Variants in SPATA16 observed in about 807,000 individuals in gnomAD.
The protein encoded by SPATA16 is spermatogenesis associated 16, also known as spermatogenesis-associated protein 16.
A neutral mutation model predicts 63.3 loss-of-function variants in SPATA16; 36 were observed. The ratio of observed to expected loss-of-function variants is 0.57; its 90% confidence interval spans 0.44 to 0.75. The LOEUF (loss-of-function observed/expected upper bound fraction) is 0.75, where lower values mean the gene tolerates loss of function less well. Among genes scored for constraint, SPATA16 ranks in the 30% least tolerant of loss-of-function variants. SPATA16 has a pLI of 0.00. For missense variants in SPATA16, 646 were observed against 679.3 expected (o/e 0.95, Z 0.54); for synonymous variants, 203 against 216.7 (o/e 0.94, Z 0.56).
In SPATA16 at chr3:173,047,874, C is replaced by A. The variant is rs116683762; in HGVS notation, c.758+1075G>T. On this transcript the variant is annotated intron_variant, in intron 3 of 10. Coordinates refer to ENST00000351008, the MANE Select transcript of SPATA16 (RefSeq NM_031955.6). ...CTTAAGAGGGAGAATGGCTTTCAAA[C>A]AGGTTGTCTTGTGAATTTCAAAGTG... Among the ~76,000 whole-genome samples, 704 of 152,040 alleles carry A rather than the reference C, an allele frequency of 4.6e-3. 5 individuals are homozygous for A. Among genetic ancestry groups the A allele is most frequent in the African/African-American group, 0.016 (675 of 41,512 alleles).
chr3:172,903,340 A>G (rs1312325220), intron 10 of SPATA16, among the ~76,000 whole-genome samples: 2 of 152,034 alleles, frequency 1.3e-5, no homozygotes, highest in South Asian at 2.1e-4. Context: ...CAAAGATAAA[A>G]CTCCTCTAAT....
chr3:172,893,523 C>A (rs933056051), intron 10 of SPATA16, among the ~76,000 whole-genome samples: 3 of 152,216 alleles, frequency 2.0e-5, no homozygotes, highest in Non-Finnish European at 4.4e-5. Context: ...TAATACATTT[C>A]TGTTGTTTAA....
chr3:172,997,818 C>T (rs1363691263), intron 4 of SPATA16, among the ~76,000 whole-genome samples: 2 of 152,070 alleles, frequency 1.3e-5, no homozygotes, highest in East Asian at 1.9e-4. Context: ...TTTGCATCTG[C>T]ATGTCCAGTG....
At chr3:172,925,996 T>C (rs1002887798) in intron 6 of SPATA16, among the ~76,000 whole-genome samples, 17 of 152,088 alleles carry the variant, frequency 1.1e-4, no homozygotes, top group African/African-American at 3.9e-4. Flanking sequence ...CAGCTGATTT[T>C]TGTATTTTTA....
chr3:173,140,391 A>T (rs150593375), intron 1 of SPATA16, among the ~76,000 whole-genome samples: 6 of 152,306 alleles, frequency 3.9e-5, no homozygotes, highest in African/African-American at 1.4e-4. Context: ...ACAAAGCTGG[A>T]ACCTATTTTT....
chr3:172,975,365 T>C (rs1457887982), intron 5 of SPATA16, among the ~76,000 whole-genome samples: 2 of 152,144 alleles, frequency 1.3e-5, no homozygotes, highest in Non-Finnish European at 2.9e-5. Flanking sequence ...ATACATTTGT[T>C]TAATGAATAA....
At chr3:172,995,240 A>G (rs1171880587) in intron 4 of SPATA16, among the ~76,000 whole-genome samples, 5 of 152,088 alleles carry the variant, frequency 3.3e-5, no homozygotes, top group Non-Finnish European at 4.4e-5. Context: ...TCTGAAGAGT[A>G]TGATGTAGGA....
chr3:173,035,178 A>G (rs989526370), intron 3 of SPATA16, among the ~76,000 whole-genome samples: 3 of 151,312 alleles, frequency 2.0e-5, no homozygotes, highest in Non-Finnish European at 3.0e-5. Flanking sequence ...AACCTACTTG[A>G]GAGAAATAAT....
At chr3:172,912,145 A>G (rs960500748) in intron 10 of SPATA16, among the ~76,000 whole-genome samples, 1 of 152,208 alleles carries the variant, frequency 6.6e-6, no homozygotes, top group South Asian at 2.1e-4. Context: ...CCCTCTGTTT[A>G]GAAATATCCC....
At chr3:173,100,668 A>G (rs1737467922) in intron 2 of SPATA16, among the ~76,000 whole-genome samples, 2 of 95,018 alleles carry the variant, frequency 2.1e-5, no homozygotes, top group Admixed American at 1.1e-4. Context: ...CAGCACACAC[A>G]CACACACACA....
chr3:172,934,275 T>C (rs1732933735), intron 6 of SPATA16, among the ~76,000 whole-genome samples: 2 of 152,246 alleles, frequency 1.3e-5, no homozygotes, highest in African/African-American at 4.8e-5. Flanking sequence ...CTTGTTTATT[T>C]GTTTATATTT....
intron 3 of SPATA16, among the ~76,000 whole-genome samples, chr3:173,044,325 C>T (rs560395648): frequency 3.3e-5 from 5 of 152,154 alleles, no homozygotes; most frequent in East Asian, 3.9e-4. Flanking sequence ...TAATTTCTAT[C>T]GATTTGTCTT....
chr3:173,005,442 T>C (rs902361490), intron 4 of SPATA16, among the ~76,000 whole-genome samples: 1 of 152,102 alleles, frequency 6.6e-6, no homozygotes, highest in Non-Finnish European at 1.5e-5. Context: ...CCCTCTTTTG[T>C]AGTTTTTGTT....
At chr3:173,075,051 C>CTATG (rs1553799980) in intron 2 of SPATA16, among the ~76,000 whole-genome samples, 4 of 145,990 alleles carry the variant, frequency 2.7e-5, no homozygotes, top group African/African-American at 1.0e-4. Context: ...CTTTTGAGTA[C>CTATG]TATGCTATTT....
intron 5 of SPATA16, among the ~76,000 whole-genome samples, chr3:172,968,274 C>A (rs1162334702): frequency 6.6e-6 from 1 of 152,146 alleles, no homozygotes; most frequent in Non-Finnish European, 1.5e-5. Context: ...GATCTGGATG[C>A]CTGACATTGT....
intron 6 of SPATA16, among the ~76,000 whole-genome samples, chr3:172,955,680 C>T (rs1285422654): frequency 6.6e-6 from 1 of 152,066 alleles, no homozygotes; most frequent in Non-Finnish European, 1.5e-5. Context: ...TCCATAGGAC[C>T]TACATTTAAT....
intron 4 of SPATA16, among the ~76,000 whole-genome samples, chr3:173,016,949 G>A (rs1476671340): frequency 1.3e-5 from 2 of 151,448 alleles, no homozygotes; most frequent in African/African-American, 2.4e-5. Flanking sequence ...GAGAGGTGGA[G>A]GTTACAGTGA....
intron 8 of SPATA16, 143 bp from the exon 9 acceptor site, chr3:172,916,624 A>G: frequency 1.1e-6 from 1 of 909,204 alleles, no homozygotes; most frequent in South Asian, 1.5e-5. Context: ...TCCTTCTACC[A>G]TTTTACAGAA....
intron 1 of SPATA16, among the ~76,000 whole-genome samples, chr3:173,126,059 T>A (rs956039894): frequency 7.1e-6 from 1 of 141,340 alleles, no homozygotes; most frequent in African/African-American, 2.5e-5. Context: ...TTTTTTCTTA[T>A]TTTTGTTGTT....
Sources: allele counts gnomAD v4.1 joint callset (sites outside exome capture counted in the v4.1 genomes callset), GRCh38; gene constraint gnomAD v4.1.1; transcripts MANE v1.5; gene names NCBI Gene and HGNC (gene_info 2026-07-23, HGNC 2026-07-21).